APLP2: variants seen among roughly 807,000 people sequenced by gnomAD.
The protein encoded by APLP2 is CDEI box-binding protein.
A neutral mutation model predicts 89.9 loss-of-function variants in APLP2; 53 were observed. That is an observed-to-expected ratio of 0.59 (90% CI 0.47 to 0.74). The LOEUF (loss-of-function observed/expected upper bound fraction) is 0.74. Among genes scored for constraint, APLP2 ranks in the 30% least tolerant of loss-of-function variants. The pLI is 0.00. For missense variants in APLP2, 973 were observed against 975.9 expected, an observed-to-expected ratio of 1.00 and a Z score of 0.04; for synonymous variants, 372 against 348.6, an observed-to-expected ratio of 1.07 and a Z score of -0.75.
chr11:130,135,051 G>A (rs915207709), intron 12 of APLP2, among the ~76,000 whole-genome samples: 8 of 152,122 alleles, frequency 5.3e-5, no homozygotes, highest in African/African-American at 1.4e-4. Flanking sequence ...TGGCGTCGGG[G>A]AGAAGTAGGT....
Position 130,121,646 on chromosome 11 carries a change from C to G in APLP2, c.549C>G (p.Ser183Arg). ...TGACTCAGGGAATGACCTTATATAG[C>G]TACGGCATGCTGCTCCCATGTGGGG... ...ACLTQGMTLYSYGMLLPCGVD... is the reference protein window; with the variant it reads ...ACLTQGMTLYRYGMLLPCGVD... The change falls in exon 5 of 17, where the codon AGC (serine) becomes AGG (arginine). Residue 183 changes from serine to arginine, a missense_variant. Coordinates refer to ENST00000338167, the MANE Select transcript of APLP2 (RefSeq NM_001142276.2). The G allele has an allele frequency of 1.2e-6, 2 of 1,614,018 alleles. No homozygotes were observed. Among genetic ancestry groups the G allele is most frequent in the Non-Finnish European group, 8.5e-7 (1 of 1,179,974 alleles).
intron 12 of APLP2, among the ~76,000 whole-genome samples, chr11:130,134,551 T>G (rs1951327760): frequency 6.6e-6 from 1 of 152,114 alleles, no homozygotes; most frequent in South Asian, 2.1e-4. Context: ...TGGGAAGCCG[T>G]TAGAGGATTT....
At chr11:130,090,270 AATTT>A (rs1944738817) in intron 1 of APLP2, among the ~76,000 whole-genome samples, 1 of 107,264 alleles carries the variant, frequency 9.3e-6, no homozygotes, top group Non-Finnish European at 1.7e-5. Flanking sequence ...TTTTTTTTTA[AATTT>A]ATTTTTTTAT....
At chr11:130,135,917 A>G (rs1305475048) in intron 13 of APLP2, among the ~76,000 whole-genome samples, 3 of 152,188 alleles carry the variant, frequency 2.0e-5, no homozygotes, top group South Asian at 4.1e-4. Flanking sequence ...CAATGTCACC[A>G]TGAAGTTAAG....
intron 3 of APLP2, among the ~76,000 whole-genome samples, chr11:130,110,928 C>T (rs1046687966): frequency 1.3e-5 from 2 of 152,116 alleles, no homozygotes; most frequent in African/African-American, 2.4e-5. Flanking sequence ...ATTGCACTTA[C>T]GCCCTCACAT....
At chr11:130,105,643 G>A (rs1565573420) in intron 1 of APLP2, among the ~76,000 whole-genome samples, 1 of 151,412 alleles carries the variant, frequency 6.6e-6, no homozygotes, top group Non-Finnish European at 1.5e-5. Flanking sequence ...GATGTTTTTA[G>A]AGAGATGCCT....
intron 11 of APLP2, among the ~76,000 whole-genome samples, chr11:130,131,933 G>C (rs1448583135): frequency 6.6e-6 from 1 of 152,146 alleles, no homozygotes; most frequent in East Asian, 1.9e-4. Context: ...CTTACCTTCT[G>C]CCTTGTTCCC....
intron 13 of APLP2, chr11:130,137,167 AAGAT>A (rs1301200800): frequency 1.0e-4 from 119 of 1,174,436 alleles, no homozygotes; most frequent in Non-Finnish European, 1.4e-4. Flanking sequence ...GAGAAATTCT[AAGAT>A]AGAAATTTTA....
chr11:130,071,007 C>A (rs996281033), intron 1 of APLP2, among the ~76,000 whole-genome samples: 3 of 152,184 alleles, frequency 2.0e-5, no homozygotes, highest in Non-Finnish European at 4.4e-5. Context: ...CTGCTGTGGC[C>A]GAGGGAGACG....
At chr11:130,135,963 C>T (rs1362725893) in intron 13 of APLP2, among the ~76,000 whole-genome samples, 1 of 152,156 alleles carries the variant, frequency 6.6e-6, no homozygotes, top group Non-Finnish European at 1.5e-5. Flanking sequence ...TGGCTTCAAA[C>T]CCCCACTTCT....
intron 1 of APLP2, among the ~76,000 whole-genome samples, chr11:130,081,539 T>G (rs1481446916): frequency 6.6e-6 from 1 of 152,224 alleles, no homozygotes; most frequent in Admixed American, 6.5e-5. Context: ...GTAGTTTCTT[T>G]GAACTTATAT....
intron 1 of APLP2, among the ~76,000 whole-genome samples, chr11:130,081,785 T>A (rs1218177864): frequency 6.6e-6 from 1 of 152,230 alleles, no homozygotes; most frequent in Non-Finnish European, 1.5e-5. Flanking sequence ...ATTTATTTGA[T>A]TCTTTTATAA....
chr11:130,084,076 C>T (rs909498470), intron 1 of APLP2, among the ~76,000 whole-genome samples: 3 of 152,204 alleles, frequency 2.0e-5, no homozygotes, highest in African/African-American at 7.2e-5. Flanking sequence ...GAAACCCTGT[C>T]TCTACTAAAA....
intron 1 of APLP2, among the ~76,000 whole-genome samples, chr11:130,099,468 A>G (rs1369583165): frequency 6.6e-6 from 1 of 152,224 alleles, no homozygotes; most frequent in Non-Finnish European, 1.5e-5. Context: ...CCAGTTTAGA[A>G]AAATAATTTA....
intron 1 of APLP2, chr11:130,070,553 G>A: frequency 1.6e-6 from 2 of 1,281,680 alleles, no homozygotes; most frequent in Non-Finnish European, 2.0e-6. Flanking sequence ...CCACCTGCGA[G>A]CGGCGGGCTT....
intron 7 of APLP2, 100 bp from the exon 8 acceptor site, chr11:130,126,600 A>G: frequency 2.1e-6 from 3 of 1,444,640 alleles, no homozygotes; most frequent in South Asian, 1.2e-5. Context: ...GAATGCCACA[A>G]AACAAATTGA....
chr11:130,109,735 T>G, intron 2 of APLP2, 133 bp downstream of exon 2: 1 of 993,494 alleles, frequency 1.0e-6, no homozygotes. Context: ...GCCCCAAGCC[T>G]TTTGTTTCTA....
rs1308159075 is a variant in APLP2 at position 130,070,020 on chromosome 11, C to T, written c.43C>T (p.Leu15Phe). The T allele has an allele frequency of 7.3e-6, 11 of 1,511,062 alleles. No homozygotes were observed. The highest frequency in any genetic ancestry group is 8.8e-6 in the Non-Finnish European group (10 of 1,136,358). The allele number at this position is 1,511,062 out of a possible 1,614,324, so 93.6% of individuals were successfully genotyped here. A position where few individuals can be genotyped will look rare whatever the true frequency, so the allele number is the denominator to read the frequency against. Residue 15 changes from leucine to phenylalanine, a missense_variant, in exon 1 of 17, where the codon CTC becomes TTC. Coordinates refer to ENST00000338167, the MANE Select transcript of APLP2 (RefSeq NM_001142276.2). ...GTAAAAATGR[L>F]LLLLLVGLTA... ...CGCGGCCGCCGCAGCCACGGGCAGG[C>T]TCCTGCTTCTGCTGCTGGTGGGGCT...
chr11:130,073,608 C>T (rs1200740826), intron 1 of APLP2, among the ~76,000 whole-genome samples: 3 of 152,062 alleles, frequency 2.0e-5, no homozygotes, highest in African/African-American at 4.8e-5. Flanking sequence ...TTTGGGAGGC[C>T]GAGGTGGGTG....
Sources: gnomAD v4.1 joint callset for allele counts (sites outside exome capture counted in the v4.1 genomes callset) on GRCh38, gnomAD v4.1.1 for gene constraint, MANE v1.5 for transcripts, NCBI Gene and HGNC (gene_info 2026-07-23, HGNC 2026-07-21) for gene names.